Variants in CACNA2D3 observed in about 807,000 individuals in gnomAD.
CACNA2D3 encodes voltage-dependent calcium channel subunit alpha-2/delta-3.
CACNA2D3 carries 60 observed loss-of-function variants against 160.6 expected under a neutral mutation model. That is an observed-to-expected ratio of 0.37 (90% confidence interval 0.30 to 0.46). The LOEUF (loss-of-function observed/expected upper bound fraction) is 0.46. Among genes scored for constraint, CACNA2D3 ranks in the 20% least tolerant of loss-of-function variants. The pLI is 1.00. For synonymous variants in CACNA2D3, 558 were observed against 492.9 expected (o/e 1.13, Z -1.75); for missense variants, 1,205 against 1,365.0 (o/e 0.88, Z 1.85).
chr3:54,237,418 T>C (rs1009370963), intron 2 of CACNA2D3, among the ~76,000 whole-genome samples: 6 of 152,162 alleles, frequency 3.9e-5, no homozygotes, highest in African/African-American at 1.4e-4. Context: ...CCGTTGCTCT[T>C]TATCTAAGAA....
At chr3:54,290,826 G>A (rs141337058) in intron 2 of CACNA2D3, among the ~76,000 whole-genome samples, 1,834 of 151,818 alleles carry the variant, frequency 0.012, 30 homozygotes, top group East Asian at 0.063. Flanking sequence ...ACCAAACACC[G>A]CATGTTCTCA....
At chr3:54,528,075 C>T (rs76809867) in intron 5 of CACNA2D3, among the ~76,000 whole-genome samples, 36 of 152,106 alleles carry the variant, frequency 2.4e-4, no homozygotes, top group Non-Finnish European at 3.8e-4. Flanking sequence ...CTTAAACATG[C>T]ACATGCCCCT....
chr3:54,176,050 C>G (rs1380573864), intron 2 of CACNA2D3, among the ~76,000 whole-genome samples: 1 of 152,168 alleles, frequency 6.6e-6, no homozygotes, highest in Non-Finnish European at 1.5e-5. Flanking sequence ...AGACTTTAGG[C>G]TGATAAGGAA....
chr3:54,423,718 T>C (rs781609394), intron 4 of CACNA2D3, among the ~76,000 whole-genome samples: 7 of 152,136 alleles, frequency 4.6e-5, no homozygotes, highest in African/African-American at 7.2e-5. Context: ...TGCCTTAGCC[T>C]GTGTCAGAGT....
At chr3:54,179,962 G>A (rs1700751402) in intron 2 of CACNA2D3, among the ~76,000 whole-genome samples, 1 of 152,012 alleles carries the variant, frequency 6.6e-6, no homozygotes, top group African/African-American at 2.4e-5. Flanking sequence ...GTGGGTTGTG[G>A]CCGGGGCTAT....
At chr3:54,639,037 G>T (rs1699444007) in intron 10 of CACNA2D3, 1 of 152,148 alleles carries the variant, frequency 6.6e-6, no homozygotes, top group Non-Finnish European at 1.5e-5. Context: ...GAAAAGCAGA[G>T]AAAGGGTTGG....
At chr3:54,939,706 G>A (rs769561273) in intron 27 of CACNA2D3, among the ~76,000 whole-genome samples, 1 of 152,176 alleles carries the variant, frequency 6.6e-6, no homozygotes, top group Non-Finnish European at 1.5e-5. Context: ...TTCAGAAGCC[G>A]CCCCTGCAGG....
chr3:54,954,920 C>CA (rs1701844232), intron 27 of CACNA2D3, among the ~76,000 whole-genome samples: 1 of 152,184 alleles, frequency 6.6e-6, no homozygotes, highest in Admixed American at 6.5e-5. Flanking sequence ...GTGTCTGGAC[C>CA]ACAGTGCATT....
intron 11 of CACNA2D3, among the ~76,000 whole-genome samples, chr3:54,681,470 C>T (rs1369648680): frequency 3.5e-5 from 5 of 141,034 alleles, no homozygotes; most frequent in African/African-American, 1.3e-4. Flanking sequence ...CCAAGAAAAT[C>T]GCTCAAACCC....
intron 31 of CACNA2D3, among the ~76,000 whole-genome samples, chr3:55,000,152 C>T (rs1286221239): frequency 1.3e-5 from 2 of 152,160 alleles, no homozygotes; most frequent in African/African-American, 4.8e-5. Context: ...ATTCTCAGAG[C>T]TGATTTTAGA....
At chr3:54,558,410 A>ATT (rs775504740) in intron 5 of CACNA2D3, among the ~76,000 whole-genome samples, 1 of 151,106 alleles carries the variant, frequency 6.6e-6, no homozygotes, top group Non-Finnish European at 1.5e-5. Flanking sequence ...TAGGGTGGGT[A>ATT]TTTTTTTTTT....
At chr3:54,244,775 A>G (rs1372377018) in intron 2 of CACNA2D3, among the ~76,000 whole-genome samples, 1 of 152,218 alleles carries the variant, frequency 6.6e-6, no homozygotes, top group African/African-American at 2.4e-5. Context: ...GTAAGTAATA[A>G]TATATTTGGA....
At position 54,493,060 on chromosome 3, in the gene CACNA2D3, C is replaced by CT. The variant is rs34225864; in HGVS notation, c.382-10398dup. 1.2e-3 allele frequency among the ~76,000 whole-genome samples: 70 copies of CT among 58,794 alleles called. 8 individuals are homozygous for CT. The highest frequency in any genetic ancestry group is 4.7e-3 in the African/African-American group (61 of 13,016). The allele number at this position is 58,794 out of a possible 152,430, so 38.6% of individuals were successfully genotyped here. On this transcript the variant is annotated intron_variant, in intron 4 of 37. Transcript: ENST00000474759. The stretch of plus-strand genomic sequence containing the variant: ...TGTATGTGGGAGGTATTGCTCAAAA[C>CT]TTTTTTTTTTTTTTTTTTTTTTTTT...
chr3:54,573,276 T>C (rs1453378566), intron 8 of CACNA2D3, among the ~76,000 whole-genome samples: 3 of 152,202 alleles, frequency 2.0e-5, no homozygotes, highest in Admixed American at 2.0e-4. Flanking sequence ...ATGGATCAGA[T>C]ATGTTAGTGA....
intron 8 of CACNA2D3, among the ~76,000 whole-genome samples, chr3:54,570,490 T>C (rs1043782131): frequency 4.6e-5 from 7 of 151,890 alleles, no homozygotes; most frequent in Non-Finnish European, 1.0e-4. Context: ...CTGATGATAT[T>C]GACGATGATA....
intron 11 of CACNA2D3, among the ~76,000 whole-genome samples, chr3:54,677,621 G>GT (rs1491209169): frequency 8.4e-5 from 6 of 71,452 alleles, no homozygotes; most frequent in African/African-American, 2.1e-4. Context: ...TTTTTTTTTT[G>GT]GGGGGGGGGC....
intron 4 of CACNA2D3, among the ~76,000 whole-genome samples, chr3:54,391,622 T>C (rs1699283970): frequency 6.6e-6 from 1 of 152,034 alleles, no homozygotes; most frequent in Non-Finnish European, 1.5e-5. Context: ...GTGATTCTCA[T>C]GCCTCAGCTT....
intron 32 of CACNA2D3, among the ~76,000 whole-genome samples, chr3:55,006,874 A>T (rs1703105952): frequency 6.6e-6 from 1 of 152,256 alleles, no homozygotes; most frequent in African/African-American, 2.4e-5. Context: ...AAGCAGCTCT[A>T]GCTGCAGAAG....
At chr3:54,128,688 G>A (rs1452087467) in intron 2 of CACNA2D3, among the ~76,000 whole-genome samples, 4 of 152,188 alleles carry the variant, frequency 2.6e-5, no homozygotes, top group Admixed American at 2.6e-4. Flanking sequence ...TGTAGTCACA[G>A]TGCTTGTTGG....
Sources: gnomAD v4.1 joint callset for allele counts (sites outside exome capture counted in the v4.1 genomes callset) on GRCh38, gnomAD v4.1.1 for gene constraint, MANE v1.5 for transcripts, NCBI Gene and HGNC (gene_info 2026-07-23, HGNC 2026-07-21) for gene names.